ARSG: variants seen among roughly 807,000 people sequenced by gnomAD.
ARSG encodes the protein ASG.
A neutral mutation model predicts 50.5 loss-of-function variants in ARSG; 37 were observed. That is an observed-to-expected ratio of 0.73 (90% confidence interval 0.56 to 0.96). The LOEUF (loss-of-function observed/expected upper bound fraction) is 0.96. Ranked by LOEUF, ARSG falls within the 50% of genes least tolerant of loss-of-function variation. The probability of loss-of-function intolerance (pLI) is 0.00; values close to 1 mark genes in which losing one functional copy is unlikely to be tolerated. For missense variants in ARSG, 629 were observed against 675.3 expected, an observed-to-expected ratio of 0.93 and a Z score of 0.76; for synonymous variants, 225 against 254.6, an observed-to-expected ratio of 0.88 and a Z score of 1.11.
chr17:68,448,615 CAGAA>C, the ARSG span, among the ~76,000 whole-genome samples: 1 of 152,080 alleles, frequency 6.6e-6, no homozygotes, highest in Non-Finnish European at 1.5e-5. Flanking sequence ...ATATACCAGA[CAGAA>C]AGAGAGAAAT....
chr17:68,311,157 A>G (rs2076838055), intron 2 of ARSG, among the ~76,000 whole-genome samples: 1 of 152,206 alleles, frequency 6.6e-6, no homozygotes. Flanking sequence ...CTCTGTCTCA[A>G]AACAAACAAA....
intron 6 of ARSG, among the ~76,000 whole-genome samples, chr17:68,362,293 C>G (rs572904649): frequency 6.6e-6 from 1 of 152,142 alleles, no homozygotes; most frequent in East Asian, 1.9e-4. Flanking sequence ...GATCCAGGTT[C>G]AGATCCAAAG....
intron 4 of ARSG, among the ~76,000 whole-genome samples, chr17:68,348,729 T>G (rs2078623093): frequency 6.6e-6 from 1 of 152,110 alleles, no homozygotes; most frequent in Admixed American, 6.6e-5. Flanking sequence ...GGTTAATCTT[T>G]TGATTAAAAG....
intron 8 of ARSG, among the ~76,000 whole-genome samples, chr17:68,373,388 C>T (rs1315545807): frequency 4.0e-5 from 6 of 150,582 alleles, no homozygotes; most frequent in African/African-American, 1.5e-4. Context: ...CACCACCACA[C>T]CTGGCTGATT....
chr17:68,374,105 T>G (rs2080012608), intron 8 of ARSG, among the ~76,000 whole-genome samples: 1 of 138,636 alleles, frequency 7.2e-6, no homozygotes, highest in African/African-American at 2.8e-5. Flanking sequence ...TGCAGTGAGC[T>G]GAGATCGCAC....
At chr17:68,313,679 C>CT (rs1464951846) in intron 2 of ARSG, among the ~76,000 whole-genome samples, 1 of 40,778 alleles carries the variant, frequency 2.5e-5, no homozygotes. Flanking sequence ...ATCTCTCTCT[C>CT]TCTCTTTTTT....
At chr17:68,296,864 A>T (rs1296478939) in intron 1 of ARSG, among the ~76,000 whole-genome samples, 1 of 152,236 alleles carries the variant, frequency 6.6e-6, no homozygotes, top group African/African-American at 2.4e-5. Flanking sequence ...ACAATTTTAC[A>T]AGTGAGAATT....
chr17:68,355,792 A>ATT (rs1386892673), intron 5 of ARSG, among the ~76,000 whole-genome samples: 1 of 146,060 alleles, frequency 6.8e-6, no homozygotes, highest in Non-Finnish European at 1.5e-5. Flanking sequence ...TTTGACTCTT[A>ATT]TTTTTTTTCC....
At chr17:68,343,441 G>A (rs981301463) in intron 2 of ARSG, among the ~76,000 whole-genome samples, 163 bp from the exon 3 acceptor site, 1 of 152,208 alleles carries the variant, frequency 6.6e-6, no homozygotes, top group Non-Finnish European at 1.5e-5. Flanking sequence ...ACAGGGGTGA[G>A]CCACCGCGCC....
chr17:68,262,778 C>T (rs1224976423), intron 1 of ARSG, among the ~76,000 whole-genome samples: 2 of 151,942 alleles, frequency 1.3e-5, no homozygotes, highest in African/African-American at 4.8e-5. Flanking sequence ...AAAGGAGAGC[C>T]GATTGGATGT....
At position 68,367,727 on chromosome 17, in the gene ARSG, G is replaced by A. The variant is rs977592338; in HGVS notation, c.705-821G>A. Among the ~76,000 whole-genome samples, 1 of 152,148 alleles carries A rather than the reference G, an allele frequency of 6.6e-6. No homozygotes were observed. Among genetic ancestry groups the A allele is most frequent in the Non-Finnish European group, 1.5e-5 (1 of 68,028 alleles). ...TAGATGTTACCTGGTGGTCATATGT[G>A]TCCTTGAAATTCCTGTGATCAACTT... On this transcript the variant is annotated intron_variant, in intron 6 of 11. Transcript: ENST00000621439. This position sits in a 1 kb window ranked among gnomAD's most constrained non-coding sequence, Gnocchi z 4.5.
chr17:68,369,265 T>A (rs925559300), intron 7 of ARSG, among the ~76,000 whole-genome samples: 3 of 152,330 alleles, frequency 2.0e-5, no homozygotes, highest in Admixed American at 2.0e-4. Context: ...TTGGCCAGGT[T>A]GACTCACACC....
At chr17:68,363,328 C>T (rs1023753793) in intron 6 of ARSG, among the ~76,000 whole-genome samples, 1 of 152,120 alleles carries the variant, frequency 6.6e-6, no homozygotes, top group Admixed American at 6.6e-5. Flanking sequence ...GCTTGGGACA[C>T]TGGCATATAG....
intron 1 of ARSG, among the ~76,000 whole-genome samples, chr17:68,295,586 T>C (rs956380035): frequency 6.6e-6 from 1 of 151,972 alleles, no homozygotes; most frequent in African/African-American, 2.4e-5. Context: ...CCTAGTGCTT[T>C]TGGCATGAAG....
rs1355606041 is a variant in ARSG, at chr17:68,316,973, C to T, written c.218+9262C>T. 1.3e-5 allele frequency among the ~76,000 whole-genome samples: 2 copies of T among 152,104 alleles called. 1 individual carries two copies. The highest frequency in any genetic ancestry group is 4.1e-4 in the South Asian group (2 of 4,834). On this transcript the variant is annotated intron_variant, in intron 2 of 11. Coordinates refer to ENST00000621439, the MANE Select transcript of ARSG (RefSeq NM_001267727.2). ...TTCTTCTCATTCCTAGACCAAATCC[C>T]CAAGTCAACACCTAAAGGTCTCAGT...
intron 10 of ARSG, among the ~76,000 whole-genome samples, chr17:68,396,415 T>C (rs1320517488): frequency 1.3e-5 from 2 of 152,152 alleles, no homozygotes; most frequent in Non-Finnish European, 2.9e-5. Context: ...TCTGAAGCAC[T>C]CATTGGCAGT....
chr17:68,420,217 G>C lies in ARSG; in HGVS notation c.1332G>C (p.Thr444=), dbSNP rs374175443. Reference sequence around the variant, plus strand: ...GAGCCAGGGCGTGTGATGGGAGCACGGGGCCTGAGCTGCAGCATAAGTTTC... The same window carrying C: ...GAGCCAGGGCGTGTGATGGGAGCACCGGGCCTGAGCTGCAGCATAAGTTTC... ...TGGARACDGS[T]GPELQHKFPL... is the part of the protein sequence containing the mutation. The change falls in exon 12 of 12, where the codon ACG becomes ACC. Residue 444 remains threonine (T), a synonymous_variant. Transcript: ENST00000621439. 1.4e-5 allele frequency: 22 copies of C among 1,613,862 alleles called. No homozygotes were observed. The highest frequency in any genetic ancestry group is 6.7e-5 in the East Asian group (3 of 44,892).
At chr17:68,421,488 A>C (rs1408019528), downstream of ARSG, 1 of 415,574 alleles carries the variant, frequency 2.4e-6, no homozygotes, top group Non-Finnish European at 4.4e-6. Flanking sequence ...CTTTTAATAT[A>C]AAATTCCGGT....
chr17:68,366,069 C>A (rs1305125193), intron 6 of ARSG, among the ~76,000 whole-genome samples: 1 of 152,050 alleles, frequency 6.6e-6, no homozygotes, highest in African/African-American at 2.4e-5. Context: ...TCCCGAGTAG[C>A]TGGGATTACA....
Sources: gnomAD v4.1 joint callset for allele counts (sites outside exome capture counted in the v4.1 genomes callset) on GRCh38, gnomAD v4.1.1 for gene constraint, Gnocchi (gnomAD v3.1) non-coding constraint, MANE v1.5 for transcripts, NCBI Gene and HGNC (gene_info 2026-07-23, HGNC 2026-07-21) for gene names.